NLGN3: variants seen among roughly 807,000 people sequenced by gnomAD.
NLGN3 encodes the protein neuroligin 3, also known as neuroligin-3.
A neutral mutation model predicts 42.9 loss-of-function variants in NLGN3; 11 were observed. The observed-to-expected ratio is 0.26, with a 90% CI of 0.16 to 0.42. NLGN3 has a LOEUF of 0.42. Among genes scored for constraint, NLGN3 ranks in the 10% least tolerant of loss-of-function variants. NLGN3 has a pLI of 1.00. For missense variants in NLGN3, 374 were observed against 733.8 expected (o/e 0.51, Z 5.67); for synonymous variants, 279 against 312.7 (o/e 0.89, Z 1.14).
intron 5 of NLGN3, among the ~76,000 whole-genome samples, chrX:71,159,223 A>AG: frequency 9.0e-6 from 1 of 110,779 alleles, no homozygotes; most frequent in Admixed American, 9.6e-5. Flanking sequence ...CAAGAGGCTG[A>AG]GGCAGGAGAA....
chrX:71,153,622 C>A, intron 4 of NLGN3, 86 bp downstream of exon 4: 1 of 873,393 alleles, frequency 1.1e-6, no homozygotes, highest in Non-Finnish European at 1.7e-6. Context: ...GTCTGTCTGT[C>A]TGTCTGTCCG....
At chrX:71,150,586 C>T (rs1227302843) in intron 3 of NLGN3, among the ~76,000 whole-genome samples, 2 of 108,430 alleles carry the variant, frequency 1.8e-5, no homozygotes, top group African/African-American at 3.4e-5. Context: ...CCTGTAGTTC[C>T]GGCTACTCGG....
At position 71,170,186 on chromosome X, in the gene NLGN3, C is replaced by G. The variant is rs769495556; in HGVS notation, c.*89C>G. 100 of 1,123,965 alleles carry G rather than the reference C, an allele frequency of 8.9e-5. No homozygotes were observed. The highest frequency in any genetic ancestry group is 1.1e-4 in the Non-Finnish European group (92 of 842,802). The allele number at this position is 1,123,965 out of a possible 1,213,427, so 92.6% of individuals were successfully genotyped here. On this transcript the variant is annotated 3_prime_UTR_variant, in exon 8 of 8. Transcript: ENST00000358741. ...ACACACACACACACACACGCAGACA[C>G]ACACACACACACACATATATGTATA... is the stretch of plus-strand genomic sequence containing the variant.
chrX:71,157,408 C>T (rs1209699965), intron 5 of NLGN3, among the ~76,000 whole-genome samples: 1 of 110,415 alleles, frequency 9.1e-6, no homozygotes, highest in African/African-American at 3.3e-5. Flanking sequence ...ACTGCAACCT[C>T]CGCCTCCCGG....
At chrX:71,164,887 G>A (rs1263131051) in intron 6 of NLGN3, among the ~76,000 whole-genome samples, 7 of 110,558 alleles carry the variant, frequency 6.3e-5, no homozygotes, top group South Asian at 3.9e-4. Flanking sequence ...GCAAGCTGCC[G>A]GGGAGATTCT....
chrX:71,148,018 C>T lies in NLGN3; in HGVS notation c.269C>T (p.Pro90Leu). 1 of 1,209,794 alleles carries T rather than the reference C, an allele frequency of 8.3e-7. No homozygotes were observed. Residue 90 changes from proline to leucine, a missense_variant, in exon 2 of 8, where the codon CCC becomes CTC. Pro to Leu is a moderately conservative substitution (Grantham distance 98). Coordinates refer to ENST00000358741, the MANE Select transcript of NLGN3 (RefSeq NM_181303.2). ...AAACGTTTCCTGCCCCCTGAACCAC[C>T]CCCATCCTGGTCGGGCATCCGGAAC... ...GEKRFLPPEPPPSWSGIRNAT... is the reference protein window; with the variant it reads ...GEKRFLPPEPLPSWSGIRNAT...
At chrX:71,148,956 T>A in intron 3 of NLGN3, 51 bp downstream of exon 3, 1 of 783,005 alleles carries the variant, frequency 1.3e-6, no homozygotes, top group Non-Finnish European at 1.8e-6. Flanking sequence ...GAGGGCTGCC[T>A]GCCCACCTGC....
chrX:71,171,908 T>A (rs1218952227), downstream of NLGN3, among the ~76,000 whole-genome samples: 3 of 110,963 alleles, frequency 2.7e-5, no homozygotes, highest in Non-Finnish European at 5.7e-5. Flanking sequence ...GAACTGGGAG[T>A]GTGCTCGGCA....
chrX:71,148,948 G>A, intron 3 of NLGN3, 43 bp downstream of exon 3: 1 of 834,139 alleles, frequency 1.2e-6, no homozygotes, highest in South Asian at 3.4e-5. Context: ...GAGAGAGGGA[G>A]GGCTGCCTGC....
intron 5 of NLGN3, among the ~76,000 whole-genome samples, chrX:71,163,124 T>A (rs890086279): frequency 1.8e-5 from 2 of 109,720 alleles, no homozygotes; most frequent in Non-Finnish European, 3.8e-5. Flanking sequence ...GAAGGTAGTC[T>A]CCATGGCAAC....
At chrX:71,153,725 C>T (rs1038917580) in intron 4 of NLGN3, among the ~76,000 whole-genome samples, 189 bp downstream of exon 4, 1 of 111,831 alleles carries the variant, frequency 8.9e-6, no homozygotes, top group Non-Finnish European at 1.9e-5. Context: ...ATGGACATGG[C>T]TGGCAGGAGC....
At position 71,148,033 on chromosome X, in the gene NLGN3, G is replaced by C. The variant is rs917449837; in HGVS notation, c.284G>C (p.Gly95Ala). 1 of 1,209,645 alleles carries C rather than the reference G, an allele frequency of 8.3e-7. No homozygotes were observed. The highest frequency in any genetic ancestry group is 1.1e-6 in the Non-Finnish European group (1 of 894,044). Residue 95 changes from glycine (G) to alanine (A), a missense_variant, in exon 2 of 8, where the codon GGC (glycine) becomes GCC (alanine). Gly to Ala is a moderately conservative substitution (Grantham distance 60). Coordinates refer to ENST00000358741, the MANE Select transcript of NLGN3 (RefSeq NM_181303.2). ...LPPEPPPSWS[G>A]IRNATHFPPV... ...CCTGAACCACCCCCATCCTGGTCGG[G>C]CATCCGGAACGCCACACACTTTCCC...
chrX:71,154,921 C>T lies in NLGN3; in HGVS notation c.578-293C>T, dbSNP rs191072662. ...AGCCCTTCCTCTTTCTGCTGCCCCCCGCCCCCAGGGCCCAGCCATGGCCCA... is the reference window on the plus strand; with the variant it reads ...AGCCCTTCCTCTTTCTGCTGCCCCCTGCCCCCAGGGCCCAGCCATGGCCCA... On this transcript the variant is annotated intron_variant, in intron 4 of 7. Transcript: ENST00000358741. Among the ~76,000 whole-genome samples, 8 of 112,733 alleles carry T rather than the reference C, an allele frequency of 7.1e-5. No homozygotes were observed. In the East Asian group the frequency reaches 2.3e-3, roughly 32 times the overall value.
In NLGN3 at chrX:71,164,254, G is replaced by A. The variant is rs756882503; in HGVS notation, c.839G>A (p.Arg280His). 8.3e-6 allele frequency: 10 copies of A among 1,211,502 alleles called. No homozygotes were observed. The African/African-American group carries it at 1.0e-4, about 13-fold the overall frequency. Residue 280 changes from arginine (R) to histidine (H), a missense_variant, in exon 6 of 8, where the codon CGC becomes CAC. Coordinates refer to ENST00000358741, the MANE Select transcript of NLGN3 (RefSeq NM_181303.2). The stretch of plus-strand genomic sequence containing the variant: ...ATTGCCTTCTTCGGGGGAGACCCCC[G>A]CCGGATCACTGTCTTTGGCTCGGGC... ...ENIAFFGGDP[R>H]RITVFGSGIG...
At chrX:71,159,001 T>C (rs756468142) in intron 5 of NLGN3, among the ~76,000 whole-genome samples, 3 of 110,902 alleles carry the variant, frequency 2.7e-5, no homozygotes, top group Non-Finnish European at 5.7e-5. Context: ...CATGCGTGTG[T>C]GCACACACAT....
intron 5 of NLGN3, among the ~76,000 whole-genome samples, chrX:71,162,614 A>G (rs1167293430): frequency 8.9e-6 from 1 of 112,311 alleles, no homozygotes; most frequent in East Asian, 2.8e-4. Context: ...GCCCGGGAGA[A>G]ATAACTAAGT....
chrX:71,166,991 G>A lies in NLGN3; in HGVS notation c.914-20G>A. On this transcript the variant is annotated intron_variant, in intron 6 of 7. Coordinates refer to ENST00000358741, the MANE Select transcript of NLGN3 (RefSeq NM_181303.2). ...TGTGTGACACGACAGATCTGACCTG[G>A]TGCTACCTGTCTTCTGTAGGACTTT... is the stretch of plus-strand genomic sequence containing the variant. 1 of 1,163,935 alleles carries A rather than the reference G, an allele frequency of 8.6e-7. No homozygotes were observed. Among genetic ancestry groups the A allele is most frequent in the South Asian group, 1.9e-5 (1 of 53,185 alleles).
At chrX:71,155,414 GAGGAAAGAA>G (rs2092405413) in intron 5 of NLGN3, 51 bp downstream of exon 5, 1 of 1,180,717 alleles carries the variant, frequency 8.5e-7, no homozygotes, top group Non-Finnish European at 1.2e-6. Context: ...CGCAAGGGGG[GAGGAAAGAA>G]TGCTGGAGAA....
At chrX:71,163,044 T>G (rs1338306359) in intron 5 of NLGN3, among the ~76,000 whole-genome samples, 1 of 110,438 alleles carries the variant, frequency 9.1e-6, no homozygotes, top group Non-Finnish European at 1.9e-5. Context: ...GGCCGCAGGC[T>G]CAGTCTAAAA....
Sources: gnomAD v4.1 joint callset for allele counts (sites outside exome capture counted in the v4.1 genomes callset) on GRCh38, gnomAD v4.1.1 for gene constraint, MANE v1.5 for transcripts, NCBI Gene and HGNC (gene_info 2026-07-23, HGNC 2026-07-21) for gene names.